The following PTPN14 variants were observed in gnomAD, a reference collection of about 807,000 sequenced individuals.
The protein encoded by PTPN14 is protein tyrosine phosphatase non-receptor type 14.
A neutral mutation model predicts 126.8 loss-of-function variants in PTPN14; 53 were observed. The ratio of observed to expected loss-of-function variants is 0.42; its 90% confidence interval spans 0.34 to 0.53. The LOEUF (loss-of-function observed/expected upper bound fraction) is 0.53. Among genes scored for constraint, PTPN14 ranks in the 20% least tolerant of loss-of-function variants. PTPN14 has a pLI of 0.08. For missense variants in PTPN14, 1,257 were observed against 1,552.9 expected, an observed-to-expected ratio of 0.81 and a Z score of 3.20; for synonymous variants, 630 against 599.3, an observed-to-expected ratio of 1.05 and a Z score of -0.75.
chr1:214,509,625 T>C (rs184667954), intron 1 of PTPN14, among the ~76,000 whole-genome samples: 2 of 152,296 alleles, frequency 1.3e-5, no homozygotes, highest in African/African-American at 4.8e-5. Context: ...TTCCTTTCAG[T>C]CACAACTTAG....
chr1:214,451,294 G>A lies in PTPN14; in HGVS notation c.344+511C>T, dbSNP rs1334455197. Among the ~76,000 whole-genome samples the A allele has an allele frequency of 2.6e-5, 4 of 151,946 alleles. No homozygotes were observed. In the East Asian group the frequency reaches 7.7e-4, roughly 29 times the overall value. On this transcript the variant is annotated intron_variant, in intron 3 of 18. Transcript: ENST00000366956. ...TCCAACCTCAGTGTCCCGAGGAGCT[G>A]GAACTAAAAGCACAAAACACCATGT... is the stretch of plus-strand genomic sequence containing the variant.
At chr1:214,495,049 C>T (rs1661330036) in intron 1 of PTPN14, among the ~76,000 whole-genome samples, 2 of 152,164 alleles carry the variant, frequency 1.3e-5, no homozygotes, top group South Asian at 2.1e-4. Flanking sequence ...GTATTTTCTC[C>T]TCTCTCAGCA....
At chr1:214,431,730 CCT>C (rs1179688387) in intron 3 of PTPN14, among the ~76,000 whole-genome samples, 3 of 152,164 alleles carry the variant, frequency 2.0e-5, no homozygotes, top group African/African-American at 7.2e-5. Context: ...AGTTACTCAA[CCT>C]CTCTGTGCCT....
chr1:214,530,043 G>A (rs1571649882), intron 1 of PTPN14: 3 of 152,272 alleles, frequency 2.0e-5, no homozygotes, highest in Admixed American at 2.0e-4. Flanking sequence ...CCTCATAGAT[G>A]CAGGTATGTT....
chr1:214,413,058 G>A (rs951666371), intron 4 of PTPN14, among the ~76,000 whole-genome samples: 4 of 151,694 alleles, frequency 2.6e-5, no homozygotes, highest in East Asian at 1.9e-4. Flanking sequence ...TACTTTTTTC[G>A]TAGAGACAGA....
In PTPN14 at chr1:214,533,461, T is replaced by G. The variant is rs183956197; in HGVS notation, c.-155+17722A>C. On this transcript the variant is annotated intron_variant, in intron 1 of 18. Transcript: ENST00000366956. Reference sequence around the variant, plus strand: ...TCTCAGTCCAACGACACTAAAGTTCTGAGACATTAAGCCAGCAGAAGCAGG... The same window carrying G: ...TCTCAGTCCAACGACACTAAAGTTCGGAGACATTAAGCCAGCAGAAGCAGG... 1,363 of 465,474 alleles carry G rather than the reference T, an allele frequency of 2.9e-3. 17 individuals are homozygous for G. Among genetic ancestry groups the G allele is most frequent in the African/African-American group, 0.026 (1,257 of 48,834 alleles). 28.8% of individuals were successfully genotyped at this position (465,474 alleles called of 1,614,324 possible).
chr1:214,377,923 C>G (rs1266531726), intron 14 of PTPN14, 36 bp downstream of exon 14: 10 of 1,595,918 alleles, frequency 6.3e-6, no homozygotes, highest in Non-Finnish European at 8.5e-6. Context: ...CCTAAGACTA[C>G]AGAGAATGAG....
chr1:214,377,831 C>A, intron 14 of PTPN14, 128 bp downstream of exon 14: 6 of 1,186,272 alleles, frequency 5.1e-6, no homozygotes, highest in Non-Finnish European at 7.1e-6. Flanking sequence ...TATACCTGAT[C>A]TTCCTAATCT....
chr1:214,480,556 G>A (rs1660962382), intron 1 of PTPN14, among the ~76,000 whole-genome samples: 1 of 152,144 alleles, frequency 6.6e-6, no homozygotes, highest in Admixed American at 6.5e-5. Flanking sequence ...GTAACAAATA[G>A]GTGAACTGTG....
chr1:214,431,491 G>A (rs527373420), intron 3 of PTPN14, among the ~76,000 whole-genome samples: 33 of 152,338 alleles, frequency 2.2e-4, no homozygotes, highest in Non-Finnish European at 3.7e-4. Flanking sequence ...TACAAAGAGT[G>A]AATGGCAGAG....
intron 1 of PTPN14, chr1:214,532,404 G>C (rs1655575060): frequency 2.9e-6 from 2 of 697,576 alleles, no homozygotes; most frequent in East Asian, 5.8e-5. Flanking sequence ...GGCAGGAATA[G>C]GAGGCATCCA....
At chr1:214,404,532 T>C (rs540170195) in intron 5 of PTPN14, among the ~76,000 whole-genome samples, 13 of 152,190 alleles carry the variant, frequency 8.5e-5, no homozygotes, top group Non-Finnish European at 1.6e-4. Context: ...GGCAACAGAA[T>C]ATAAAATAAA....
chr1:214,510,671 A>G (rs1654951463), intron 1 of PTPN14, among the ~76,000 whole-genome samples: 1 of 152,158 alleles, frequency 6.6e-6, no homozygotes, highest in Non-Finnish European at 1.5e-5. Flanking sequence ...ATCAGCTTCC[A>G]TAGAGAAGTG....
chr1:214,462,478 A>G (rs1278708639), intron 2 of PTPN14, among the ~76,000 whole-genome samples: 1 of 152,244 alleles, frequency 6.6e-6, no homozygotes, highest in African/African-American at 2.4e-5. Flanking sequence ...TTGATAATCC[A>G]GTCCCCCACA....
At chr1:214,395,571 ACAC>A (rs1360116479) in intron 8 of PTPN14, among the ~76,000 whole-genome samples, 4 of 146,716 alleles carry the variant, frequency 2.7e-5, no homozygotes, top group African/African-American at 7.6e-5. Flanking sequence ...TAATGTGCCT[ACAC>A]TTTGGGACCC....
At chr1:214,434,431 T>C (rs767653379) in intron 3 of PTPN14, among the ~76,000 whole-genome samples, 1 of 151,578 alleles carries the variant, frequency 6.6e-6, no homozygotes, top group Non-Finnish European at 1.5e-5. Context: ...AAATCAACGA[T>C]GGACATGCTT....
chr1:214,462,226 A>G (rs1445197517), intron 2 of PTPN14, among the ~76,000 whole-genome samples: 1 of 152,236 alleles, frequency 6.6e-6, no homozygotes, highest in Non-Finnish European at 1.5e-5. Flanking sequence ...TGTCAATCAC[A>G]CTACGGCACA....
intron 3 of PTPN14, among the ~76,000 whole-genome samples, chr1:214,447,188 C>T (rs1285707094): frequency 6.6e-6 from 1 of 152,146 alleles, no homozygotes; most frequent in Non-Finnish European, 1.5e-5. Context: ...TTCTGTGAAA[C>T]ATTCCTCTGG....
chr1:214,390,844 T>C (rs1658732875), intron 11 of PTPN14, 144 bp downstream of exon 11: 3 of 578,768 alleles, frequency 5.2e-6, no homozygotes, highest in Non-Finnish European at 8.3e-6. Flanking sequence ...CGGGTGTCCA[T>C]CGCATCTGCT....
Sources: allele counts gnomAD v4.1 joint callset (sites outside exome capture counted in the v4.1 genomes callset), GRCh38; gene constraint gnomAD v4.1.1; transcripts MANE v1.5; gene names NCBI Gene and HGNC (gene_info 2026-07-23, HGNC 2026-07-21).